PTGFRN: variants seen among roughly 807,000 people sequenced by gnomAD.
PTGFRN encodes the protein prostaglandin F2 receptor negative regulator.
In PTGFRN, 35 loss-of-function variants were observed where a neutral mutation model predicts 83.2. The ratio of observed to expected loss-of-function variants is 0.42; its 90% CI spans 0.32 to 0.56. PTGFRN has a LOEUF of 0.56. Among genes scored for constraint, PTGFRN ranks in the 20% least tolerant of loss-of-function variants. The probability of loss-of-function intolerance (pLI) is 0.11; values close to 1 mark genes in which losing one functional copy is unlikely to be tolerated. For synonymous variants in PTGFRN, 519 were observed against 498.6 expected (o/e 1.04, Z -0.55); for missense variants, 1,051 against 1,179.5 (o/e 0.89, Z 1.60).
intron 1 of PTGFRN, among the ~76,000 whole-genome samples, chr1:116,930,817 G>T (rs1462432277): frequency 6.6e-6 from 1 of 152,084 alleles, no homozygotes; most frequent in Non-Finnish European, 1.5e-5. Context: ...CTACCTGCCT[G>T]TGTCCCCCGT....
At chr1:116,912,182 T>C (rs1347977926) in intron 1 of PTGFRN, among the ~76,000 whole-genome samples, 1 of 152,162 alleles carries the variant, frequency 6.6e-6, no homozygotes, top group East Asian at 1.9e-4. Flanking sequence ...GAAATCTTGA[T>C]TGTACTCCAG....
rs1478237879 is a variant in PTGFRN at position 116,918,758 on chromosome 1, C to T, written c.49+8506C>T. 2.6e-5 allele frequency among the ~76,000 whole-genome samples: 4 copies of T among 152,140 alleles called. No individual in the cohort carries two copies. The highest frequency in any genetic ancestry group is 6.5e-5 in the Admixed American group (1 of 15,274). On this transcript the variant is annotated intron_variant, in intron 1 of 8. Transcript: ENST00000393203. The surrounding 1 kb of genome is among the most constrained non-coding windows in gnomAD (Gnocchi z 4.1). The stretch of plus-strand genomic sequence containing the variant: ...GTAGTAAAGGCAGTGGGCCTAGTTT[C>T]GTGGCTTTATCCCACCAAGTTTGGC...
chr1:116,973,876 G>T (rs537432490), intron 6 of PTGFRN, among the ~76,000 whole-genome samples: 12 of 152,198 alleles, frequency 7.9e-5, no homozygotes, highest in Non-Finnish European at 1.5e-4. Context: ...TGGCCTAGAA[G>T]TGAACCATGT....
At position 116,951,606 on chromosome 1, in the gene PTGFRN, A is replaced by G. The variant is rs140867158; in HGVS notation, c.1213+2034A>G. On this transcript the variant is annotated intron_variant, in intron 4 of 8. Coordinates refer to ENST00000393203, the MANE Select transcript of PTGFRN (RefSeq NM_020440.4). The stretch of plus-strand genomic sequence containing the variant: ...TTCAACTCCTAGGATATTCAGAGAT[A>G]TTTGCCCCTGAGTAAACCTAACGAA... 3.9e-5 allele frequency among the ~76,000 whole-genome samples: 6 copies of G among 152,382 alleles called. No homozygotes were observed. In the East Asian group the frequency reaches 9.6e-4, roughly 24 times the overall value.
chr1:116,926,874 G>A (rs979095413), intron 1 of PTGFRN, among the ~76,000 whole-genome samples: 7 of 152,160 alleles, frequency 4.6e-5, no homozygotes, highest in Non-Finnish European at 8.8e-5. Context: ...GGCCTAAAAA[G>A]GAGAGTTAAA....
Position 116,938,568 on chromosome 1 carries a change from C to T in PTGFRN, c.50-3147C>T, listed in dbSNP as rs558952003. On this transcript the variant is annotated intron_variant, in intron 1 of 8. Coordinates refer to ENST00000393203, the MANE Select transcript of PTGFRN (RefSeq NM_020440.4). ...GCCCCCATAATTCCATTACCTCCCA[C>T]CAGGTCGCTCCCACAACATGTGGGA... is the stretch of plus-strand genomic sequence containing the variant. 9.9e-5 allele frequency among the ~76,000 whole-genome samples: 15 copies of T among 152,264 alleles called. No individual in the cohort carries two copies. The South Asian group carries it at 3.1e-3, about 32-fold the overall frequency.
chr1:116,987,052 G>T lies in PTGFRN; in HGVS notation c.*85G>T. ...ACAGTGATATTTTAAAACAAAGTGT[G>T]TTACACTAAAAACCAGTCCTCTCTA... On this transcript the variant is annotated 3_prime_UTR_variant, in exon 9 of 9. Coordinates refer to ENST00000393203, the MANE Select transcript of PTGFRN (RefSeq NM_020440.4). The T allele has an allele frequency of 6.6e-7, 1 of 1,523,542 alleles. No individual in the cohort carries two copies. The highest frequency in any genetic ancestry group is 9.0e-7 in the Non-Finnish European group (1 of 1,117,264). 94.4% of individuals were successfully genotyped at this position (1,523,542 alleles called of 1,614,324 possible).
intron 8 of PTGFRN, among the ~76,000 whole-genome samples, chr1:116,985,643 G>A (rs1167098828): frequency 6.6e-6 from 1 of 151,734 alleles, no homozygotes; most frequent in Non-Finnish European, 1.5e-5. Context: ...AGGAGGTGGA[G>A]GTTGCAGTGA....
intron 3 of PTGFRN, among the ~76,000 whole-genome samples, chr1:116,945,498 C>T (rs1650174844): frequency 6.6e-6 from 1 of 152,146 alleles, no homozygotes; most frequent in Non-Finnish European, 1.5e-5. Flanking sequence ...TTTGATGTTT[C>T]CTGAGTCCTT....
chr1:116,945,187 A>T, intron 3 of PTGFRN, 95 bp downstream of exon 3: 1 of 1,449,638 alleles, frequency 6.9e-7, no homozygotes, highest in South Asian at 1.4e-5. Flanking sequence ...GCCTTCTGAC[A>T]AGAACTGTTT....
Position 116,961,118 on chromosome 1 carries a change from T to C in PTGFRN, c.1214-125T>C. The C allele has an allele frequency of 1.9e-6, 2 of 1,071,990 alleles. No homozygotes were observed. Among genetic ancestry groups the C allele is most frequent in the South Asian group, 2.7e-5 (1 of 37,052 alleles). The allele number at this position is 1,071,990 out of a possible 1,614,324, so 66.4% of individuals were successfully genotyped here. ...CAATGCAACGACTGATTTCTGTCTC[T>C]CTAGTCCGGCAGGAGAAGCATTTAA... On this transcript the variant is annotated intron_variant, in intron 4 of 8. Coordinates refer to ENST00000393203, the MANE Select transcript of PTGFRN (RefSeq NM_020440.4). The surrounding 1 kb of genome is among the most constrained non-coding windows in gnomAD (Gnocchi z 5.4).
intron 5 of PTGFRN, chr1:116,962,403 C>T (rs1310072017): frequency 2.6e-5 from 4 of 152,198 alleles, no homozygotes; most frequent in African/African-American, 7.2e-5. Flanking sequence ...AGATACTAAC[C>T]AGGCCTGACC....
At chr1:116,977,167 A>G (rs1339475042) in intron 7 of PTGFRN, among the ~76,000 whole-genome samples, 1 of 152,202 alleles carries the variant, frequency 6.6e-6, no homozygotes, top group Non-Finnish European at 1.5e-5. Flanking sequence ...CAACAAGAAG[A>G]ACTAACTATC....
At chr1:116,963,528 A>T (rs1372058183) in intron 5 of PTGFRN, among the ~76,000 whole-genome samples, 1 of 152,084 alleles carries the variant, frequency 6.6e-6, no homozygotes, top group Non-Finnish European at 1.5e-5. Context: ...TTGGTCTGTC[A>T]ATGTGCTGTT....
At chr1:116,916,244 G>A (rs1347644781) in intron 1 of PTGFRN, among the ~76,000 whole-genome samples, 1 of 152,140 alleles carries the variant, frequency 6.6e-6, no homozygotes, top group Non-Finnish European at 1.5e-5. Flanking sequence ...ACCTCACTTG[G>A]GATATTTCAT....
chr1:116,937,900 C>G (rs1649961692), intron 1 of PTGFRN, among the ~76,000 whole-genome samples: 2 of 152,132 alleles, frequency 1.3e-5, no homozygotes, highest in African/African-American at 2.4e-5. Context: ...CTCATTTAAT[C>G]CTTACCACAG....
At chr1:116,966,880 G>A in intron 5 of PTGFRN, 31 bp from the exon 6 acceptor site, 1 of 1,546,498 alleles carries the variant, frequency 6.5e-7, no homozygotes. Context: ...GATCTTGTTG[G>A]AAATCACATC....
At chr1:116,922,132 A>G (rs1649551198) in intron 1 of PTGFRN, among the ~76,000 whole-genome samples, 1 of 152,204 alleles carries the variant, frequency 6.6e-6, no homozygotes, top group African/African-American at 2.4e-5. Flanking sequence ...CAGCGCCCAC[A>G]GAGCAGCTAA....
At position 116,961,132 on chromosome 1, in the gene PTGFRN, A is replaced by G; in HGVS notation, c.1214-111A>G. On this transcript the variant is annotated intron_variant, in intron 4 of 8. Transcript: ENST00000393203. The surrounding 1 kb of genome is among the most constrained non-coding windows in gnomAD (Gnocchi z 5.4). ...ATTTCTGTCTCTCTAGTCCGGCAGGAGAAGCATTTAATTGTTAAAACAAGA... is the reference window on the plus strand; with the variant it reads ...ATTTCTGTCTCTCTAGTCCGGCAGGGGAAGCATTTAATTGTTAAAACAAGA... 1 of 1,145,526 alleles carries G rather than the reference A, an allele frequency of 8.7e-7. No individual in the cohort carries two copies. Among genetic ancestry groups the G allele is most frequent in the Non-Finnish European group, 1.2e-6 (1 of 847,730 alleles). The allele number at this position is 1,145,526 out of a possible 1,614,324, so 71.0% of individuals were successfully genotyped here.
Sources: gnomAD v4.1 joint callset for allele counts (sites outside exome capture counted in the v4.1 genomes callset) on GRCh38, gnomAD v4.1.1 for gene constraint, Gnocchi (gnomAD v3.1) non-coding constraint, MANE v1.5 for transcripts, NCBI Gene and HGNC (gene_info 2026-07-23, HGNC 2026-07-21) for gene names.